Variants in TBXAS1 observed in about 807,000 individuals in gnomAD.
TBXAS1 encodes the protein thromboxane A synthase 1.
A neutral mutation model predicts 60.7 loss-of-function variants in TBXAS1; 48 were observed. That is an observed-to-expected ratio of 0.79 (90% CI 0.63 to 1.01). The LOEUF is 1.01. Among genes scored for constraint, TBXAS1 ranks in the 50% least tolerant of loss-of-function variants. The pLI is 0.00. For missense variants in TBXAS1, 685 were observed against 686.3 expected (o/e 1.00, Z 0.02); for synonymous variants, 287 against 269.7 (o/e 1.06, Z -0.63).
At chr7:139,942,975 T>G (rs535179322) in intron 5 of TBXAS1, among the ~76,000 whole-genome samples, 1 of 152,300 alleles carries the variant, frequency 6.6e-6, no homozygotes, top group South Asian at 2.1e-4. Context: ...TATGAGTAAA[T>G]GCATTTCAGT....
At chr7:139,801,081 T>C (rs1797711230) in intron 4 of TBXAS1, among the ~76,000 whole-genome samples, 1 of 152,248 alleles carries the variant, frequency 6.6e-6, no homozygotes, top group Non-Finnish European at 1.5e-5. Context: ...ACATTAACCT[T>C]ATCAGTTAGT....
intron 4 of TBXAS1, among the ~76,000 whole-genome samples, chr7:139,929,169 C>A (rs879357311): frequency 6.6e-6 from 1 of 152,206 alleles, no homozygotes; most frequent in Non-Finnish European, 1.5e-5. Context: ...AAAGAAATAG[C>A]ACTCAAATAT....
chr7:139,930,536 T>G (rs1234898522), intron 4 of TBXAS1, among the ~76,000 whole-genome samples: 1 of 152,232 alleles, frequency 6.6e-6, no homozygotes, highest in Non-Finnish European at 1.5e-5. Context: ...CATCTGACTC[T>G]AGAGGCAATG....
intron 9 of TBXAS1, among the ~76,000 whole-genome samples, chr7:139,986,718 CCATCATATATATATATATATACATA>C (rs1486809867): frequency 8.3e-6 from 1 of 119,778 alleles, no homozygotes; most frequent in African/African-American, 3.2e-5. Flanking sequence ...GAGTAGTATT[CCATCATATATATATATATATACATA>C]CATATATATA....
intron 3 of TBXAS1, among the ~76,000 whole-genome samples, chr7:139,885,768 CTTAG>C (rs1803043663): frequency 6.6e-6 from 1 of 152,322 alleles, no homozygotes; most frequent in South Asian, 2.1e-4. Context: ...CAAACAAGTT[CTTAG>C]AAATCCTTGC....
At chr7:139,942,592 A>G (rs964783915) in intron 5 of TBXAS1, among the ~76,000 whole-genome samples, 1 of 152,236 alleles carries the variant, frequency 6.6e-6, no homozygotes, top group Non-Finnish European at 1.5e-5. Context: ...ATTCACCCAG[A>G]TAACTAAGAG....
intron 9 of TBXAS1, among the ~76,000 whole-genome samples, chr7:139,966,560 A>G (rs541285091): frequency 6.6e-6 from 1 of 152,342 alleles, no homozygotes; most frequent in Admixed American, 6.5e-5. Context: ...CAGCTGTGTA[A>G]CCAGTGTTTT....
At chr7:139,875,697 T>TC (rs778872245) in intron 3 of TBXAS1, 60 bp downstream of exon 3, 2 of 1,595,388 alleles carry the variant, frequency 1.3e-6, no homozygotes, top group African/African-American at 2.7e-5. Flanking sequence ...TACGATATTT[T>TC]GATTTTCACG....
intron 3 of TBXAS1, among the ~76,000 whole-genome samples, chr7:139,900,742 C>G (rs182164977): frequency 6.6e-6 from 1 of 152,134 alleles, no homozygotes. Context: ...TTCTGCAGAC[C>G]GGCTCTCTCC....
chr7:139,962,209 G>A lies in TBXAS1; in HGVS notation c.1110G>A (p.Glu370=), dbSNP rs1483435325. ...NPDCQEKLLR[E]VDVFKEKHMA... The stretch of plus-strand genomic sequence containing the variant: ...ACTGCCAAGAGAAGCTTCTGAGAGA[G>A]GTAGACGTTTTTAAGGAGAAACACG... The change falls in exon 9 of 13, where the codon GAG becomes GAA. Residue 370 remains glutamate, a synonymous_variant. Transcript: ENST00000448866. 1 of 1,614,050 alleles carries A rather than the reference G, an allele frequency of 6.2e-7. No individual in the cohort carries two copies. The highest frequency in any genetic ancestry group is 8.5e-7 in the Non-Finnish European group (1 of 1,180,052).
chr7:139,949,837 A>G (rs1809053241), intron 5 of TBXAS1, among the ~76,000 whole-genome samples: 1 of 152,152 alleles, frequency 6.6e-6, no homozygotes, highest in African/African-American at 2.4e-5. Context: ...ACTTAGGTTC[A>G]TGCACAGATA....
intron 3 of TBXAS1, among the ~76,000 whole-genome samples, chr7:139,890,509 C>T (rs148815616): frequency 6.6e-6 from 1 of 152,242 alleles, no homozygotes; most frequent in East Asian, 1.9e-4. Flanking sequence ...GCCACCGCGC[C>T]CGGCCAGGAT....
At chr7:139,956,303 C>A (rs1378981281) in intron 7 of TBXAS1, among the ~76,000 whole-genome samples, 1 of 152,126 alleles carries the variant, frequency 6.6e-6, no homozygotes, top group Admixed American at 6.5e-5. Flanking sequence ...TGCACCATCA[C>A]GACCAGCTAA....
rs551718950 is a variant in TBXAS1 at position 139,973,284 on chromosome 7, C to T, written c.1134+11051C>T. ...TATGTCCCCTACCGCTGCTATGGTC[C>T]GCCTCCTCTGTCAGCTCATGGTATT... On this transcript the variant is annotated intron_variant, in intron 9 of 12. Coordinates refer to ENST00000448866, the MANE Select transcript of TBXAS1 (RefSeq NM_001061.7). Among the ~76,000 whole-genome samples the T allele has an allele frequency of 9.9e-5, 15 of 152,236 alleles. No individual in the cohort carries two copies. The South Asian group carries it at 1.0e-3, about 11-fold the overall frequency.
At chr7:139,953,183 C>T (rs1809550040) in intron 5 of TBXAS1, among the ~76,000 whole-genome samples, 185 bp from the exon 6 acceptor site, 1 of 152,186 alleles carries the variant, frequency 6.6e-6, no homozygotes, top group Non-Finnish European at 1.5e-5. Flanking sequence ...ACGTTTAGAG[C>T]TATTGTATTT....
intron 5 of TBXAS1, among the ~76,000 whole-genome samples, chr7:139,948,935 A>G (rs191717300): frequency 1.3e-4 from 20 of 152,380 alleles, no homozygotes; most frequent in Admixed American, 1.3e-3. Context: ...CTGTCTTATA[A>G]TATTTTCTCT....
chr7:139,824,830 T>TTTTC (rs572306657), upstream of TBXAS1, among the ~76,000 whole-genome samples: 69,951 of 127,208 alleles, frequency 0.55, 18,822 homozygotes, highest in East Asian at 0.85. Context: ...TTTCCTTTTC[T>TTTTC]TTTTTTTTTT....
intron 10 of TBXAS1, 49 bp downstream of exon 10, chr7:140,007,231 C>T: frequency 3.2e-6 from 5 of 1,554,066 alleles, no homozygotes; most frequent in East Asian, 2.3e-5. Flanking sequence ...CCTACCCCTA[C>T]CCCCTGCCCC....
chr7:139,979,545 G>A (rs1208415124), intron 9 of TBXAS1, among the ~76,000 whole-genome samples: 2 of 151,598 alleles, frequency 1.3e-5, no homozygotes, highest in Non-Finnish European at 3.0e-5. Flanking sequence ...TGACCAATAC[G>A]GTGAAACCCG....
Sources: gnomAD v4.1 joint callset for allele counts (sites outside exome capture counted in the v4.1 genomes callset) on GRCh38, gnomAD v4.1.1 for gene constraint, MANE v1.5 for transcripts, NCBI Gene and HGNC (gene_info 2026-07-23, HGNC 2026-07-21) for gene names.